Variants in SLC25A31 observed in about 807,000 individuals in gnomAD.
SLC25A31 encodes the protein solute carrier family 25 member 31.
A neutral mutation model predicts 36.2 loss-of-function variants in SLC25A31; 40 were observed. The ratio of observed to expected loss-of-function variants is 1.10; its 90% confidence interval spans 0.86 to 1.44. The LOEUF is 1.44. Ranked by LOEUF, SLC25A31 falls within the 40% of genes most tolerant of loss-of-function variation. The pLI is 0.00. For missense variants in SLC25A31, 350 were observed against 397.1 expected, an observed-to-expected ratio of 0.88 and a Z score of 1.01; for synonymous variants, 143 against 149.7, an observed-to-expected ratio of 0.96 and a Z score of 0.32.
In SLC25A31 at chr4:127,773,577, G is replaced by T. The variant is rs201125358; in HGVS notation, c.*3G>T. On this transcript the variant is annotated 3_prime_UTR_variant, in exon 6 of 6. Transcript: ENST00000281154. ...ATATTGATATTGGTGGTAGGTAATC[G>T]GGAGAGTAAATTAAGAAATACATGG... 4.5e-6 allele frequency: 7 copies of T among 1,562,444 alleles called. No homozygotes were observed. The highest frequency in any genetic ancestry group is 1.4e-5 in the African/African-American group (1 of 72,462).
chr4:127,743,767 A>G (rs1731774108), intron 1 of SLC25A31, among the ~76,000 whole-genome samples: 1 of 152,224 alleles, frequency 6.6e-6, no homozygotes, highest in South Asian at 2.1e-4. Flanking sequence ...TTTAACAAAT[A>G]ATTATCTTTC....
At position 127,767,741 on chromosome 4, in the gene SLC25A31, C is replaced by G. The variant is rs972465688; in HGVS notation, c.633+521C>G. ...CTTTTCATTTCAGATTTTAAGAACA[C>G]TTCCATGTGGTAGGAAAAAGAAAAA... On this transcript the variant is annotated intron_variant, in intron 4 of 5. Coordinates refer to ENST00000281154, the MANE Select transcript of SLC25A31 (RefSeq NM_031291.4). Among the ~76,000 whole-genome samples, 5 of 152,054 alleles carry G rather than the reference C, an allele frequency of 3.3e-5. No homozygotes were observed. The East Asian group carries it at 9.6e-4, about 29-fold the overall frequency.
chr4:127,756,949 C>A (rs1732042408), intron 2 of SLC25A31, among the ~76,000 whole-genome samples: 1 of 152,138 alleles, frequency 6.6e-6, no homozygotes, highest in South Asian at 2.1e-4. Context: ...TGCATGTTTA[C>A]ACTTTTGGGT....
In SLC25A31 at chr4:127,773,730, TA is replaced by T. The variant is rs1238094486; in HGVS notation, c.*161del. ...TACATTTTTTCAAGAATTTAAATAC[TA>T]AAAATCAGATAAATGTGGATTTTCC... On this transcript the variant is annotated 3_prime_UTR_variant, in exon 6 of 6. Transcript: ENST00000281154. 16 of 546,112 alleles carry T rather than the reference TA, an allele frequency of 2.9e-5. No homozygotes were observed. The East Asian group carries it at 5.4e-4, about 18-fold the overall frequency. The allele number at this position is 546,112 out of a possible 1,614,324, so 33.8% of individuals were successfully genotyped here.
chr4:127,749,570 T>C (rs888232332), intron 2 of SLC25A31, among the ~76,000 whole-genome samples: 4 of 151,878 alleles, frequency 2.6e-5, no homozygotes, highest in Non-Finnish European at 5.9e-5. Flanking sequence ...GTGGTGAAAC[T>C]TTATCTCTAC....
rs1732047918 is a variant in SLC25A31, at chr4:127,757,227, C to G, written c.361-7016C>G. On this transcript the variant is annotated intron_variant, in intron 2 of 5. Coordinates refer to ENST00000281154, the MANE Select transcript of SLC25A31 (RefSeq NM_031291.4). The stretch of plus-strand genomic sequence containing the variant: ...TGCTGGGGTTTGGGCATCTGTTGAA[C>G]CCATCAACCAAATAGTCAACATGGT... 2.0e-5 allele frequency among the ~76,000 whole-genome samples: 3 copies of G among 152,108 alleles called. No homozygotes were observed. The South Asian group carries it at 6.2e-4, about 32-fold the overall frequency.
intron 1 of SLC25A31, among the ~76,000 whole-genome samples, chr4:127,734,278 T>G (rs1368179260): frequency 6.6e-6 from 1 of 152,060 alleles, no homozygotes; most frequent in South Asian, 2.1e-4. Context: ...AGAACTGATT[T>G]TCTGGGTGTG....
chr4:127,766,153 T>A (rs148458899), intron 3 of SLC25A31, among the ~76,000 whole-genome samples: 5 of 22,958 alleles, frequency 2.2e-4, no homozygotes, highest in Middle Eastern at 0.045. Context: ...TTTTTATTTG[T>A]TTTTTTTTTT....
intron 1 of SLC25A31, among the ~76,000 whole-genome samples, chr4:127,737,047 A>T (rs1266642704): frequency 6.6e-6 from 1 of 152,264 alleles, no homozygotes; most frequent in East Asian, 1.9e-4. Context: ...CCTGTGTTAT[A>T]CTCTTAGCAG....
At chr4:127,751,438 CT>C (rs1731930062) in intron 2 of SLC25A31, among the ~76,000 whole-genome samples, 1 of 152,190 alleles carries the variant, frequency 6.6e-6, no homozygotes, top group Admixed American at 6.5e-5. Flanking sequence ...GGATTAAAGA[CT>C]TAAATGTTAG....
intron 1 of SLC25A31, among the ~76,000 whole-genome samples, chr4:127,735,260 A>C (rs1162897948): frequency 6.6e-6 from 1 of 152,216 alleles, no homozygotes; most frequent in African/African-American, 2.4e-5. Flanking sequence ...TATTCTTAAA[A>C]ATGAACTTCA....
chr4:127,741,544 C>T (rs1731732924), intron 1 of SLC25A31, among the ~76,000 whole-genome samples: 1 of 152,130 alleles, frequency 6.6e-6, no homozygotes, highest in Non-Finnish European at 1.5e-5. Flanking sequence ...GTTGAGCCAT[C>T]CTTGCATCCC....
At chr4:127,757,421 A>G (rs2148760947) in intron 2 of SLC25A31, among the ~76,000 whole-genome samples, 1 of 152,204 alleles carries the variant, frequency 6.6e-6, no homozygotes, top group South Asian at 2.1e-4. Flanking sequence ...TTCACTTAGG[A>G]TAATGGCCTC....
At position 127,753,883 on chromosome 4, in the gene SLC25A31, G is replaced by A. The variant is rs547812317; in HGVS notation, c.360+9084G>A. 2.0e-4 allele frequency among the ~76,000 whole-genome samples: 31 copies of A among 152,154 alleles called. 1 individual carries two copies. Among genetic ancestry groups the A allele is most frequent in the South Asian group, 1.2e-3 (6 of 4,822 alleles). Reference sequence around the variant, plus strand: ...GAAGAAAAGAAAATTACAGGTCAGCGTCCCTAGTGAACAAACATGCAGAAA... The same window carrying A: ...GAAGAAAAGAAAATTACAGGTCAGCATCCCTAGTGAACAAACATGCAGAAA... On this transcript the variant is annotated intron_variant, in intron 2 of 5. Coordinates refer to ENST00000281154, the MANE Select transcript of SLC25A31 (RefSeq NM_031291.4).
intron 2 of SLC25A31, among the ~76,000 whole-genome samples, chr4:127,746,466 G>A (rs1731827197): frequency 6.6e-6 from 1 of 151,848 alleles, no homozygotes; most frequent in South Asian, 2.1e-4. Flanking sequence ...TTTGACTTTT[G>A]AATAGTAGCC....
Position 127,767,187 on chromosome 4 carries a change from A to G in SLC25A31, c.600A>G (p.Arg200=), listed in dbSNP as rs201422846. The change falls in exon 4 of 6, where the codon CGA becomes CGG. Residue 200 remains arginine (R), a synonymous_variant. Transcript: ENST00000281154. ...GVSVQGIIVY[R]ASYFGAYDTV... is the part of the protein sequence containing the mutation. ...CAGTACAGGGCATCATTGTGTACCG[A>G]GCCTCTTATTTTGGAGCTTATGACA... The G allele has an allele frequency of 5.0e-6, 8 of 1,606,926 alleles. No homozygotes were observed. In the African/African-American group the frequency reaches 1.1e-4, roughly 21 times the overall value.
intron 2 of SLC25A31, among the ~76,000 whole-genome samples, chr4:127,759,663 A>G (rs1732092318): frequency 6.6e-6 from 1 of 152,120 alleles, no homozygotes; most frequent in African/African-American, 2.4e-5. Flanking sequence ...AACTACTGAG[A>G]GGGGAGATGG....
chr4:127,736,078 A>G (rs1013705057), intron 1 of SLC25A31, among the ~76,000 whole-genome samples: 17 of 150,850 alleles, frequency 1.1e-4, no homozygotes, highest in Non-Finnish European at 1.9e-4. Context: ...TTTAGTAGAG[A>G]CGGGGTTTCA....
At position 127,747,934 on chromosome 4, in the gene SLC25A31, G is replaced by C. The variant is rs544654386; in HGVS notation, c.360+3135G>C. 1.8e-3 allele frequency among the ~76,000 whole-genome samples: 281 copies of C among 152,286 alleles called. 2 individuals carry two copies. Among genetic ancestry groups the C allele is most frequent in the African/African-American group, 6.4e-3 (264 of 41,562 alleles). On this transcript the variant is annotated intron_variant, in intron 2 of 5. Coordinates refer to ENST00000281154, the MANE Select transcript of SLC25A31 (RefSeq NM_031291.4). ...ACAGGGAAGAGACCTAGAGAAACCAGGTGCAAGTTTATAGTTGTCCCATCC... is the reference window on the plus strand; with the variant it reads ...ACAGGGAAGAGACCTAGAGAAACCACGTGCAAGTTTATAGTTGTCCCATCC...
Sources: gnomAD v4.1 joint callset for allele counts (sites outside exome capture counted in the v4.1 genomes callset) on GRCh38, gnomAD v4.1.1 for gene constraint, MANE v1.5 for transcripts, NCBI Gene and HGNC (gene_info 2026-07-23, HGNC 2026-07-21) for gene names.